The following RNF213 variants were observed in gnomAD, a reference collection of about 807,000 sequenced individuals.
RNF213 encodes the protein E3 ubiquitin-protein ligase RNF213.
Under a neutral mutation model 514.4 loss-of-function variants are expected in RNF213, and 341 were observed. The observed-to-expected ratio is 0.66, with a 90% CI of 0.61 to 0.73. The LOEUF (loss-of-function observed/expected upper bound fraction) is 0.73, where lower values mean the gene tolerates loss of function less well. Among genes scored for constraint, RNF213 ranks in the 30% least tolerant of loss-of-function variants. The pLI, the probability that RNF213 is intolerant of heterozygous loss-of-function variation, is 0.00. For missense variants in RNF213, 5,767 were observed against 6,615.6 expected, an observed-to-expected ratio of 0.87 and a Z score of 4.45; for synonymous variants, 2,655 against 2,658.2, an observed-to-expected ratio of 1.00 and a Z score of 0.04.
At chr17:80,271,813 C>T (rs2043831632) in intron 2 of RNF213, among the ~76,000 whole-genome samples, 1 of 151,122 alleles carries the variant, frequency 6.6e-6, no homozygotes, top group South Asian at 2.1e-4. Flanking sequence ...CCCGTCTCTA[C>T]TAAAAATACA....
In RNF213 at chr17:80,376,519, G is replaced by T; in HGVS notation, c.13404G>T (p.Leu4468=). 1 of 1,614,070 alleles carries T rather than the reference G, an allele frequency of 6.2e-7. No individual in the cohort carries two copies. Among genetic ancestry groups the T allele is most frequent in the East Asian group, 2.2e-5 (1 of 44,882 alleles). ...QNELLEPLKN[L]AFSPATMAHA... is the part of the protein sequence containing the mutation. Reference sequence around the variant, plus strand: ...AACTCTTGGAGCCCCTAAAGAATCTGGCCTTCTCCCCAGCCACCATGGCGG... The same window carrying T: ...AACTCTTGGAGCCCCTAAAGAATCTTGCCTTCTCCCCAGCCACCATGGCGG... The change falls in exon 52 of 68, where the codon CTG becomes CTT. Residue 4468 remains leucine, a synonymous_variant. Coordinates refer to ENST00000582970, the MANE Select transcript of RNF213 (RefSeq NM_001256071.3).
At chr17:80,371,741 AC>A (rs2079524609) in intron 46 of RNF213, 132 bp from the exon 47 acceptor site, 1 of 618,810 alleles carries the variant, frequency 1.6e-6, no homozygotes, top group African/African-American at 1.9e-5. Context: ...AATCTTAGAA[AC>A]CACGTATATG....
Position 80,351,784 on chromosome 17 carries a change from C to T in RNF213, c.10284C>T (p.Ala3428=). ...TKLSRVGRGT[A]YVGFHGGLWQ... ...TGTCCCGGGTGGGAAGAGGAACAGC[C>T]TATGTGGGCTTCCACGGAGGTGAGA... Residue 3428 remains alanine (A), a synonymous_variant, in exon 32 of 68, where the codon GCC becomes GCT. Transcript: ENST00000582970. The T allele has an allele frequency of 6.3e-7, 1 of 1,587,952 alleles. No individual in the cohort carries two copies. The highest frequency in any genetic ancestry group is 8.6e-7 in the Non-Finnish European group (1 of 1,156,244).
chr17:80,381,452 A>T (rs1444582816), intron 56 of RNF213, 95 bp from the exon 57 acceptor site: 3 of 1,317,572 alleles, frequency 2.3e-6, no homozygotes, highest in Non-Finnish European at 3.3e-6. Flanking sequence ...TTCCGACTCT[A>T]TGCTGGTGCT....
chr17:80,263,396 G>A lies in RNF213; in HGVS notation c.-108-178G>A, dbSNP rs1486079294. The stretch of plus-strand genomic sequence containing the variant: ...CCTATCCCCACCCAGCCCAACCCAT[G>A]TTCTCAGCAGCAGGGATGGTTCTAG... On this transcript the variant is annotated intron_variant, in intron 1 of 67. Transcript: ENST00000582970. This position sits in a 1 kb window ranked among gnomAD's most constrained non-coding sequence, Gnocchi z 4.9. Among the ~76,000 whole-genome samples the A allele has an allele frequency of 6.6e-6, 1 of 151,932 alleles. No individual in the cohort carries two copies. The highest frequency in any genetic ancestry group is 1.5e-5 in the Non-Finnish European group (1 of 67,944).
chr17:80,383,119 A>G, intron 58 of RNF213, 49 bp downstream of exon 58: 1 of 1,357,584 alleles, frequency 7.4e-7, no homozygotes, highest in Non-Finnish European at 1.1e-6. Context: ...CCAGAAAGGA[A>G]GGGTCCCGGC....
chr17:80,387,381 T>C (rs1312744640), intron 63 of RNF213, among the ~76,000 whole-genome samples: 2 of 152,204 alleles, frequency 1.3e-5, no homozygotes, highest in African/African-American at 4.8e-5. Context: ...GCTGGGATTA[T>C]AGGCGTGAGC....
chr17:80,277,933 G>C (rs1440429093), intron 3 of RNF213, among the ~76,000 whole-genome samples: 1 of 152,230 alleles, frequency 6.6e-6, no homozygotes, highest in African/African-American at 2.4e-5. Context: ...GCAGTCATGG[G>C]GTGGGTGGAG....
chr17:80,320,324 CATA>C (rs983729070), intron 17 of RNF213: 20 of 152,174 alleles, frequency 1.3e-4, no homozygotes, highest in African/African-American at 4.8e-4. Flanking sequence ...TTTCACTGAG[CATA>C]ATGTTTTTTT....
In RNF213 at chr17:80,376,302, A is replaced by G; in HGVS notation, c.13187A>G (p.Gln4396Arg). The change falls in exon 52 of 68, where the codon CAA (glutamine) becomes CGA (arginine). Residue 4396 changes from glutamine (Q) to arginine (R), a missense_variant and splice_region_variant. Physicochemically the swap from Gln to Arg is conservative, Grantham distance 43. Coordinates refer to ENST00000582970, the MANE Select transcript of RNF213 (RefSeq NM_001256071.3). ...AATGTTAAGTTTTTTTCCTGTCAGC[A>G]ATGTGAAGCTGTGAGCAAATTCATT... ...HNASLHPTPE[Q>R]CEAVSKFIGE... The G allele has an allele frequency of 1.2e-6, 2 of 1,614,176 alleles. No individual in the cohort carries two copies. The highest frequency in any genetic ancestry group is 2.2e-5 in the South Asian group (2 of 91,084).
chr17:80,375,908 G>A (rs753559980), intron 51 of RNF213, 38 bp downstream of exon 51: 2 of 1,339,468 alleles, frequency 1.5e-6, no homozygotes, highest in East Asian at 2.3e-5. Context: ...CAAAGTCTCA[G>A]TATTTGGAGG....
At chr17:80,332,678 C>G (rs1451881302) in intron 21 of RNF213, 47 bp downstream of exon 21, 1 of 1,449,414 alleles carries the variant, frequency 6.9e-7, no homozygotes, top group East Asian at 2.5e-5. Flanking sequence ...GGCGTCCTGC[C>G]TCAGCCTCTT....
At chr17:80,392,806 T>G (rs1209448255) in intron 67 of RNF213, among the ~76,000 whole-genome samples, 2 of 152,048 alleles carry the variant, frequency 1.3e-5, no homozygotes, top group South Asian at 4.2e-4. Context: ...GCTAGGCTGG[T>G]CTCGAACTCC....
rs564539096 is a variant in RNF213 at position 80,355,685 on chromosome 17, G to A, written c.10862+1109G>A. ...ATGGGGGCTTACAGGGGGAAGAAGC[G>A]GGGTGACCGGGAATGGGGGCTTACA... is the stretch of plus-strand genomic sequence containing the variant. On this transcript the variant is annotated intron_variant, in intron 36 of 67. Transcript: ENST00000582970. Among the ~76,000 whole-genome samples the A allele has an allele frequency of 8.3e-5, 7 of 84,468 alleles. 1 individual carries two copies. The highest frequency in any genetic ancestry group is 2.2e-4 in the Admixed American group (2 of 9,122). The allele number at this position is 84,468 out of a possible 152,430, so 55.4% of individuals were successfully genotyped here. A position where few individuals can be genotyped will look rare whatever the true frequency, so the allele number is the denominator to read the frequency against.
At position 80,294,934 on chromosome 17, in the gene RNF213, C is replaced by G. The variant is rs781626117; in HGVS notation, c.1686C>G (p.Val562=). The part of the protein sequence containing the change: ...FFTQFEQFCF[V]LQQPMIYEGQ... ...CCCAGTTCGAGCAGTTTTGCTTTGT[C>G]CTGCAACAGCCTATGATTTATGAAG... The change falls in exon 9 of 68, where the codon GTC becomes GTG. Residue 562 remains valine (V), a synonymous_variant. Coordinates refer to ENST00000582970, the MANE Select transcript of RNF213 (RefSeq NM_001256071.3). 21 of 1,614,176 alleles carry G rather than the reference C, an allele frequency of 1.3e-5. No homozygotes were observed. The highest frequency in any genetic ancestry group is 1.8e-5 in the Non-Finnish European group (21 of 1,180,034).
rs1023570566 is a variant in RNF213, at chr17:80,263,063, C to T, written c.-108-511C>T. On this transcript the variant is annotated intron_variant, in intron 1 of 67. Coordinates refer to ENST00000582970, the MANE Select transcript of RNF213 (RefSeq NM_001256071.3). This position sits in a 1 kb window ranked among gnomAD's most constrained non-coding sequence, Gnocchi z 4.9. ...TCACCCTGGATGCAAGAAGTGACCC[C>T]GGAGGCCTGAGTCCTGGCCTTGGTC... 3.9e-5 allele frequency among the ~76,000 whole-genome samples: 6 copies of T among 152,192 alleles called. No homozygotes were observed. The highest frequency in any genetic ancestry group is 2.1e-4 in the South Asian group (1 of 4,832).
intron 26 of RNF213, chr17:80,340,638 T>G (rs1330747067): frequency 2.9e-6 from 1 of 340,860 alleles, no homozygotes; most frequent in Non-Finnish European, 5.2e-6. Flanking sequence ...TTTTTTTTTT[T>G]GAGACAGAGT....
chr17:80,358,553 G>C, intron 37 of RNF213, 74 bp downstream of exon 37: 2 of 1,389,396 alleles, frequency 1.4e-6, no homozygotes, highest in Non-Finnish European at 2.0e-6. Context: ...GCTCTCCCAA[G>C]TGCTGGGTGA....
intron 65 of RNF213, 79 bp downstream of exon 65, chr17:80,389,446 AGG>A (rs1842924386): frequency 1.5e-6 from 2 of 1,299,610 alleles, no homozygotes; most frequent in African/African-American, 2.9e-5. Context: ...AGGAGCATTC[AGG>A]GAGTGCCACT....
Sources: allele counts gnomAD v4.1 joint callset (sites outside exome capture counted in the v4.1 genomes callset), GRCh38; gene constraint gnomAD v4.1.1; non-coding constraint Gnocchi (gnomAD v3.1); transcripts MANE v1.5; gene names NCBI Gene and HGNC (gene_info 2026-07-23, HGNC 2026-07-21).